ABCA13: variants seen among roughly 807,000 people sequenced by gnomAD.
ABCA13 encodes ATP binding cassette subfamily A member 13.
Under a neutral mutation model 478.7 loss-of-function variants are expected in ABCA13, and 476 were observed. The ratio of observed to expected loss-of-function variants is 0.99; its 90% CI spans 0.92 to 1.07. The LOEUF is 1.07. Among genes scored for constraint, ABCA13 ranks in the 50% least tolerant of loss-of-function variants. ABCA13 has a pLI of 0.00. For synonymous variants in ABCA13, 2,252 were observed against 2,158.9 expected (o/e 1.04, Z -1.20); for missense variants, 6,060 against 5,910.6 (o/e 1.03, Z -0.83).
intron 1 of ABCA13, among the ~76,000 whole-genome samples, chr7:48,175,301 C>T (rs1472725196): frequency 6.6e-6 from 1 of 152,072 alleles, no homozygotes; most frequent in Non-Finnish European, 1.5e-5. Flanking sequence ...TGTTTCAATA[C>T]AAATAATGTA....
chr7:48,211,486 C>T (rs1785640313), intron 3 of ABCA13, among the ~76,000 whole-genome samples: 1 of 152,176 alleles, frequency 6.6e-6, no homozygotes, highest in Admixed American at 6.5e-5. Context: ...GAAGGAGTAT[C>T]TTTCCACACT....
chr7:48,248,925 A>C (rs556536121), intron 14 of ABCA13, among the ~76,000 whole-genome samples: 1 of 152,252 alleles, frequency 6.6e-6, no homozygotes, highest in South Asian at 2.1e-4. Context: ...ATTTAAGTTC[A>C]CTTCCTGTTA....
At chr7:48,497,015 A>G (rs1830336712) in intron 48 of ABCA13, among the ~76,000 whole-genome samples, 1 of 151,792 alleles carries the variant, frequency 6.6e-6, no homozygotes, top group African/African-American at 2.4e-5. Context: ...ATGTCTTTGA[A>G]CACTTTTTCA....
chr7:48,633,775 G>T (rs1026269916), intron 59 of ABCA13, among the ~76,000 whole-genome samples: 1 of 151,604 alleles, frequency 6.6e-6, no homozygotes, highest in Admixed American at 6.6e-5. Flanking sequence ...TATAATCCCA[G>T]CTACTTGGGA....
rs1317987384 is a variant in ABCA13, at chr7:48,279,065, A to C, written c.7871A>C (p.Tyr2624Ser). Reference protein sequence around the residue: ...IFSMSPSILSYMNQSKDFSDI... With the variant: ...IFSMSPSILSSMNQSKDFSDI... The stretch of plus-strand genomic sequence containing the variant: ...AGTATGTCACCTAGCATACTCTCAT[A>C]TATGAACCAATCTAAGGACTTTTCT... The change falls in exon 18 of 62, where the codon TAT (tyrosine) becomes TCT (serine). Residue 2624 changes from tyrosine to serine, a missense_variant. By Grantham distance (144) the Tyr-to-Ser change is moderately radical. Coordinates refer to ENST00000435803, the MANE Select transcript of ABCA13 (RefSeq NM_152701.5). The C allele has an allele frequency of 6.2e-7, 1 of 1,613,002 alleles. No individual in the cohort carries two copies. The highest frequency in any genetic ancestry group is 8.5e-7 in the Non-Finnish European group (1 of 1,179,806).
intron 41 of ABCA13, among the ~76,000 whole-genome samples, chr7:48,424,798 G>A (rs139051483): frequency 2.0e-5 from 3 of 152,216 alleles, no homozygotes; most frequent in East Asian, 1.9e-4. Flanking sequence ...AATAACAAAG[G>A]CAAAGTCTGC....
At chr7:48,640,017 G>T (rs1405729218) in intron 59 of ABCA13, among the ~76,000 whole-genome samples, 1 of 152,050 alleles carries the variant, frequency 6.6e-6, no homozygotes, top group Non-Finnish European at 1.5e-5. Flanking sequence ...TTCTTGTCCG[G>T]ATAACATTCC....
intron 59 of ABCA13, among the ~76,000 whole-genome samples, chr7:48,633,260 T>C (rs7792663): frequency 0.69 from 104,772 of 151,944 alleles, 36,491 homozygotes; most frequent in African/African-American, 0.75. Context: ...CCAAAGGCAC[T>C]CAAATTCATA....
intron 55 of ABCA13, among the ~76,000 whole-genome samples, chr7:48,551,041 A>G (rs1405919): frequency 0.73 from 111,044 of 151,502 alleles, 42,346 homozygotes; most frequent in African/African-American, 0.91. Flanking sequence ...GCAATATCTA[A>G]ATAAATCATT....
rs771185045 is a variant in ABCA13, at chr7:48,455,234, C to G, written c.12763C>G (p.Pro4255Ala). The G allele has an allele frequency of 1.2e-6, 2 of 1,604,820 alleles. No individual in the cohort carries two copies. The highest frequency in any genetic ancestry group is 4.5e-5 in the East Asian group (2 of 44,516). ...GAGACCCCTGGCCACCGAGTACCCT[C>G]CCCTCAGACTCACACCTGGACATTA... ...MVRPLATEYP[P>A]LRLTPGHYQR... The change falls in exon 43 of 62, where the codon CCC (proline) becomes GCC (alanine). Residue 4255 changes from proline to alanine, a missense_variant. Physicochemically the swap from Pro to Ala is conservative, Grantham distance 27. Coordinates refer to ENST00000435803, the MANE Select transcript of ABCA13 (RefSeq NM_152701.5).
At chr7:48,583,611 CG>C (rs1399226752) in intron 56 of ABCA13, among the ~76,000 whole-genome samples, 1 of 152,156 alleles carries the variant, frequency 6.6e-6, no homozygotes, top group Non-Finnish European at 1.5e-5. Flanking sequence ...CATCCGCAAA[CG>C]AAAGCATCCC....
chr7:48,576,316 C>G lies in ABCA13; in HGVS notation c.14355-3908C>G, dbSNP rs543252671. 3.9e-5 allele frequency among the ~76,000 whole-genome samples: 6 copies of G among 152,198 alleles called. No individual in the cohort carries two copies. In the South Asian group the frequency reaches 1.2e-3, roughly 32 times the overall value. On this transcript the variant is annotated intron_variant, in intron 55 of 61. Transcript: ENST00000435803. ...TCAGTAGGAACACATCCGCTATAAT[C>G]AAAAAGTGATGTAGGCTCAGTGTGG...
chr7:48,402,844 T>C (rs1817785647), intron 38 of ABCA13, among the ~76,000 whole-genome samples: 1 of 152,218 alleles, frequency 6.6e-6, no homozygotes, highest in Admixed American at 6.5e-5. Flanking sequence ...GGTAGAAACA[T>C]GCCTGCAGCT....
chr7:48,444,999 CTTTCTTTCTTTCT>C (rs973321515), intron 42 of ABCA13, among the ~76,000 whole-genome samples: 2 of 120,934 alleles, frequency 1.7e-5, no homozygotes, highest in African/African-American at 7.0e-5. Flanking sequence ...TTCTTTCTCT[CTTTCTTTCTTTCT>C]TTTTTTTTTT....
chr7:48,335,205 G>A (rs530012778), intron 27 of ABCA13, among the ~76,000 whole-genome samples: 1 of 152,330 alleles, frequency 6.6e-6, no homozygotes, highest in African/African-American at 2.4e-5. Flanking sequence ...TGAACAGGCA[G>A]GTAGCCCCTG....
At chr7:48,644,776 A>T (rs1337346155) in intron 61 of ABCA13, 22 bp downstream of exon 61, 1 of 1,545,756 alleles carries the variant, frequency 6.5e-7, no homozygotes, top group Non-Finnish European at 8.7e-7. Context: ...TGAATGATTC[A>T]GGAGGTTGAA....
intron 56 of ABCA13, 109 bp downstream of exon 56, chr7:48,580,483 T>C (rs1158281185): frequency 1.9e-6 from 2 of 1,043,458 alleles, no homozygotes; most frequent in South Asian, 1.8e-5. Context: ...GGAACTGTAG[T>C]ATCAGATAAA....
At chr7:48,334,626 C>T (rs1805951345) in intron 27 of ABCA13, among the ~76,000 whole-genome samples, 1 of 152,176 alleles carries the variant, frequency 6.6e-6, no homozygotes, top group South Asian at 2.1e-4. Flanking sequence ...TGAGCCAGCA[C>T]GCCCGGCCTC....
At chr7:48,478,721 G>T (rs1828421404) in intron 45 of ABCA13, among the ~76,000 whole-genome samples, 1 of 152,202 alleles carries the variant, frequency 6.6e-6, no homozygotes, top group African/African-American at 2.4e-5. Flanking sequence ...GGGAGGAGAA[G>T]AAATAAAACA....
Sources: gnomAD v4.1 joint callset for allele counts (sites outside exome capture counted in the v4.1 genomes callset) on GRCh38, gnomAD v4.1.1 for gene constraint, MANE v1.5 for transcripts, NCBI Gene and HGNC (gene_info 2026-07-23, HGNC 2026-07-21) for gene names.